Variants in PDE3A observed in about 807,000 individuals in gnomAD.
PDE3A encodes the protein phosphodiesterase 3A.
Under a neutral mutation model 98.3 loss-of-function variants are expected in PDE3A, and 43 were observed. The observed-to-expected ratio is 0.44, with a 90% confidence interval of 0.34 to 0.56. PDE3A has a LOEUF of 0.56. Ranked by LOEUF, PDE3A falls within the 20% of genes least tolerant of loss-of-function variation. PDE3A has a pLI of 0.01. For missense variants in PDE3A, 1,427 were observed against 1,440.7 expected (o/e 0.99, Z 0.15); for synonymous variants, 663 against 567.9 (o/e 1.17, Z -2.38).
chr12:20,484,691 G>A (rs775405588), intron 1 of PDE3A, among the ~76,000 whole-genome samples: 8 of 151,976 alleles, frequency 5.3e-5, no homozygotes, highest in African/African-American at 7.3e-5. Flanking sequence ...ATTTTTATAC[G>A]TAGGATAAAA....
intron 1 of PDE3A, among the ~76,000 whole-genome samples, chr12:20,516,629 C>T (rs576711528): frequency 6.6e-6 from 1 of 152,228 alleles, no homozygotes; most frequent in South Asian, 2.1e-4. Flanking sequence ...TTTCAAGTTG[C>T]TTTCACTGCG....
chr12:20,598,624 C>T (rs1943521449), intron 2 of PDE3A, among the ~76,000 whole-genome samples: 1 of 152,126 alleles, frequency 6.6e-6, no homozygotes, highest in South Asian at 2.1e-4. Flanking sequence ...GTTGGTCAGA[C>T]ACAATATAGA....
rs768868399 is a variant in PDE3A, at chr12:20,629,995, C to T, written c.1628C>T (p.Ser543Phe). Residue 543 changes from serine (S) to phenylalanine (F), a missense_variant, in exon 6 of 16, where the codon TCT becomes TTT. Transcript: ENST00000359062. ...GCCAGCAGCCTGGTCAGCAAAATTTCTGCAGTGCAGTTTCCAGAATCTGCT... is the reference window on the plus strand; with the variant it reads ...GCCAGCAGCCTGGTCAGCAAAATTTTTGCAGTGCAGTTTCCAGAATCTGCT... ...TPASSLVSKI[S>F]AVQFPESADT... 5.6e-6 allele frequency: 9 copies of T among 1,613,912 alleles called. No individual in the cohort carries two copies. The East Asian group carries it at 1.8e-4, about 32-fold the overall frequency.
chr12:20,512,765 T>C (rs866795735), intron 1 of PDE3A, among the ~76,000 whole-genome samples: 1 of 152,128 alleles, frequency 6.6e-6, no homozygotes, highest in Non-Finnish European at 1.5e-5. Flanking sequence ...CGTTAGATAG[T>C]GTCCTATTTC....
At chr12:20,404,000 A>T (rs535461383) in intron 1 of PDE3A, among the ~76,000 whole-genome samples, 14 of 152,214 alleles carry the variant, frequency 9.2e-5, no homozygotes, top group African/African-American at 3.4e-4. Flanking sequence ...ATTTTCTTTC[A>T]AAGGCTCTTC....
chr12:20,622,101 A>C (rs946970886), intron 5 of PDE3A, among the ~76,000 whole-genome samples: 1 of 152,094 alleles, frequency 6.6e-6, no homozygotes, highest in African/African-American at 2.4e-5. Context: ...TAGTTTCTTA[A>C]TCTTCTGCCT....
chr12:20,567,758 C>T (rs750164031), intron 2 of PDE3A, among the ~76,000 whole-genome samples: 1 of 151,742 alleles, frequency 6.6e-6, no homozygotes, highest in Non-Finnish European at 1.5e-5. Context: ...ATGATATGAC[C>T]AGGCTTTTCA....
rs116509200 is a variant in PDE3A at position 20,619,905 on chromosome 12, C to G, written c.1425-1391C>G. On this transcript the variant is annotated intron_variant, in intron 4 of 15. Coordinates refer to ENST00000359062, the MANE Select transcript of PDE3A (RefSeq NM_000921.5). ...AAGTGTCAGAGTGTCAAATTGACCT[C>G]AACACAAATTACACATCTTACCCAT... Among the ~76,000 whole-genome samples, 1,273 of 152,042 alleles carry G rather than the reference C, an allele frequency of 8.4e-3. 17 individuals are homozygous for G. The highest frequency in any genetic ancestry group is 0.029 in the African/African-American group (1,204 of 41,508).
chr12:20,514,070 A>G lies in PDE3A; in HGVS notation c.961-42590A>G, dbSNP rs546722062. Among the ~76,000 whole-genome samples, 74 of 152,290 alleles carry G rather than the reference A, an allele frequency of 4.9e-4. 1 individual carries two copies. In the South Asian group the frequency reaches 0.015, roughly 31 times the overall value. On this transcript the variant is annotated intron_variant, in intron 1 of 15. Coordinates refer to ENST00000359062, the MANE Select transcript of PDE3A (RefSeq NM_000921.5). The stretch of plus-strand genomic sequence containing the variant: ...ACATTAAAATAACATGGGAATAGGT[A>G]AAAATCCCAGTGCCCAGGTTTCACC...
chr12:20,569,300 G>A (rs1050111703), intron 2 of PDE3A, among the ~76,000 whole-genome samples: 3 of 152,004 alleles, frequency 2.0e-5, no homozygotes, highest in Non-Finnish European at 2.9e-5. Flanking sequence ...ATTATGTATT[G>A]CTTCACTGTC....
chr12:20,486,923 C>T (rs907053738), intron 1 of PDE3A, among the ~76,000 whole-genome samples: 1 of 152,194 alleles, frequency 6.6e-6, no homozygotes, highest in African/African-American at 2.4e-5. Flanking sequence ...CATGAGTCAC[C>T]ACGCTTGGCT....
chr12:20,474,652 T>C (rs529927298), intron 1 of PDE3A, among the ~76,000 whole-genome samples: 14 of 152,270 alleles, frequency 9.2e-5, no homozygotes, highest in Non-Finnish European at 1.5e-4. Context: ...CTTCATTCCT[T>C]GCATTCCTTG....
chr12:20,444,757 G>T (rs1456542968), intron 1 of PDE3A, among the ~76,000 whole-genome samples: 1 of 152,272 alleles, frequency 6.6e-6, no homozygotes, highest in East Asian at 1.9e-4. Context: ...GTGCATGCCT[G>T]GTGCACTAAA....
chr12:20,614,360 A>ATAAG (rs1265026246), intron 3 of PDE3A, among the ~76,000 whole-genome samples: 1 of 152,178 alleles, frequency 6.6e-6, no homozygotes, highest in Non-Finnish European at 1.5e-5. Context: ...TTAATTAAAA[A>ATAAG]TAAGTCATAT....
rs1945760317 is a variant in PDE3A at position 20,680,799 on chromosome 12, T to A, written c.*528T>A. ...GAGGGATGAAAGTTCCAGAGCATTA[T>A]TTGAATTCTGATACATCCTGCCAAC... is the stretch of plus-strand genomic sequence containing the variant. On this transcript the variant is annotated 3_prime_UTR_variant, in exon 16 of 16. Coordinates refer to ENST00000359062, the MANE Select transcript of PDE3A (RefSeq NM_000921.5). 6.5e-6 allele frequency: 1 copy of A among 153,902 alleles called. No homozygotes were observed. Among genetic ancestry groups the A allele is most frequent in the Admixed American group, 6.5e-5 (1 of 15,294 alleles). 9.5% of individuals were successfully genotyped at this position (153,902 alleles called of 1,614,324 possible).
intron 1 of PDE3A, among the ~76,000 whole-genome samples, chr12:20,443,005 T>C (rs1401340826): frequency 6.6e-6 from 1 of 152,078 alleles, no homozygotes; most frequent in African/African-American, 2.4e-5. Context: ...CATAAATAAT[T>C]TATCAGTTAA....
chr12:20,417,047 C>A (rs939503298), intron 1 of PDE3A, among the ~76,000 whole-genome samples: 1 of 152,024 alleles, frequency 6.6e-6, no homozygotes. Flanking sequence ...CCAAAATGTA[C>A]ATAATGTGCA....
chr12:20,566,522 T>C (rs1376619510), intron 2 of PDE3A, among the ~76,000 whole-genome samples: 11 of 151,956 alleles, frequency 7.2e-5, no homozygotes, highest in Admixed American at 7.2e-4. Context: ...GGGTATTTTT[T>C]TTTTTAAGTT....
intron 1 of PDE3A, among the ~76,000 whole-genome samples, chr12:20,503,586 T>C (rs1406463505): frequency 6.6e-6 from 1 of 152,116 alleles, no homozygotes; most frequent in Non-Finnish European, 1.5e-5. Context: ...GATCATTCCC[T>C]ATTATATAGA....
Sources: allele counts gnomAD v4.1 joint callset (sites outside exome capture counted in the v4.1 genomes callset), GRCh38; gene constraint gnomAD v4.1.1; transcripts MANE v1.5; gene names NCBI Gene and HGNC (gene_info 2026-07-23, HGNC 2026-07-21).